BCAS3: variants seen among roughly 807,000 people sequenced by gnomAD.
BCAS3 encodes the protein BCAS4/BCAS3 fusion.
A neutral mutation model predicts 116.1 loss-of-function variants in BCAS3; 53 were observed. The ratio of observed to expected loss-of-function variants is 0.46; its 90% confidence interval spans 0.37 to 0.57. BCAS3 has a LOEUF of 0.57. Ranked by LOEUF, BCAS3 falls within the 20% of genes least tolerant of loss-of-function variation. BCAS3 has a pLI of 0.00. For missense variants in BCAS3, 917 were observed against 1,165.4 expected (o/e 0.79, Z 3.10); for synonymous variants, 391 against 408.2 (o/e 0.96, Z 0.51).
rs1288328825 is a variant in BCAS3, at chr17:61,231,186, G to A, written c.2426-137141G>A. Among the ~76,000 whole-genome samples, 4 of 152,094 alleles carry A rather than the reference G, an allele frequency of 2.6e-5. No homozygotes were observed. The East Asian group carries it at 7.7e-4, about 29-fold the overall frequency. The stretch of plus-strand genomic sequence containing the variant: ...TGATTTGCATTTCTCAGATGAGAGT[G>A]ATGATGAGCATTTTTTCATGTGTTT... On this transcript the variant is annotated intron_variant, in intron 22 of 23. Transcript: ENST00000407086.
chr17:60,747,922 G>C (rs1295306026), intron 6 of BCAS3, among the ~76,000 whole-genome samples: 1 of 151,814 alleles, frequency 6.6e-6, no homozygotes, highest in Middle Eastern at 3.2e-3. Flanking sequence ...TATTAAACTT[G>C]CTGTTTAGAT....
chr17:61,146,044 C>G (rs113938902), intron 22 of BCAS3, among the ~76,000 whole-genome samples: 10 of 152,008 alleles, frequency 6.6e-5, no homozygotes, highest in African/African-American at 2.2e-4. Context: ...GAGGACTCAT[C>G]CCCCTATGCA....
chr17:60,933,361 CT>C (rs1452575300), intron 13 of BCAS3, among the ~76,000 whole-genome samples: 3 of 152,140 alleles, frequency 2.0e-5, no homozygotes, highest in African/African-American at 7.2e-5. Context: ...AATTGATTTG[CT>C]TTTCAGAGGC....
At chr17:60,733,631 C>T (rs887493844) in intron 5 of BCAS3, among the ~76,000 whole-genome samples, 5 of 152,014 alleles carry the variant, frequency 3.3e-5, no homozygotes, top group African/African-American at 9.7e-5. Context: ...TGCTTGAGCC[C>T]GGGAGCTTGA....
Position 60,737,947 on chromosome 17 carries a change from C to T in BCAS3, c.322-9251C>T, listed in dbSNP as rs551903561. ...GATTACAGGCATGTGCCACCACACC[C>T]GGCTACTTTTTGCATTTTTAGTAGA... On this transcript the variant is annotated intron_variant, in intron 5 of 23. Coordinates refer to ENST00000407086, the MANE Select transcript of BCAS3 (RefSeq NM_017679.5). Among the ~76,000 whole-genome samples, 24 of 152,104 alleles carry T rather than the reference C, an allele frequency of 1.6e-4. No individual in the cohort carries two copies. The East Asian group carries it at 3.9e-3, about 25-fold the overall frequency.
At chr17:60,742,961 A>C (rs562672782) in intron 5 of BCAS3, among the ~76,000 whole-genome samples, 65 of 151,666 alleles carry the variant, frequency 4.3e-4, no homozygotes, top group Admixed American at 2.5e-3. Context: ...AAAATACAAA[A>C]AATTAGCCGG....
chr17:60,705,920 A>G (rs1328876840), intron 4 of BCAS3, among the ~76,000 whole-genome samples: 3 of 152,194 alleles, frequency 2.0e-5, no homozygotes, highest in African/African-American at 2.4e-5. Flanking sequence ...GTATATTTCC[A>G]TAAAGTTATA....
In BCAS3 at chr17:61,019,330, C is replaced by A. The variant is rs2065717156; in HGVS notation, c.1637+3429C>A. ...ATCTGAAGTGAAACTTCCATGAAAC[C>A]TATTCCTGGTGCCAAAAAGGTTGGG... is the stretch of plus-strand genomic sequence containing the variant. On this transcript the variant is annotated intron_variant, in intron 16 of 23. Coordinates refer to ENST00000407086, the MANE Select transcript of BCAS3 (RefSeq NM_017679.5). This position sits in a 1 kb window ranked among gnomAD's most constrained non-coding sequence, Gnocchi z 5.6. 6.6e-6 allele frequency among the ~76,000 whole-genome samples: 1 copy of A among 152,150 alleles called. No individual in the cohort carries two copies. The highest frequency in any genetic ancestry group is 1.5e-5 in the Non-Finnish European group (1 of 68,022).
chr17:61,329,422 G>A (rs1016889149), intron 22 of BCAS3, among the ~76,000 whole-genome samples: 3 of 148,206 alleles, frequency 2.0e-5, no homozygotes, highest in African/African-American at 5.0e-5. Flanking sequence ...CTCACTGCAA[G>A]CTCCGCCTCC....
chr17:61,125,367 G>A (rs1315239559), intron 22 of BCAS3, among the ~76,000 whole-genome samples: 2 of 152,106 alleles, frequency 1.3e-5, no homozygotes, highest in South Asian at 2.1e-4. Flanking sequence ...CTTTCTTATA[G>A]TGTGGTCATA....
At position 61,214,194 on chromosome 17, in the gene BCAS3, A is replaced by G. The variant is rs939133297; in HGVS notation, c.2425+129630A>G. 6.6e-6 allele frequency among the ~76,000 whole-genome samples: 1 copy of G among 151,932 alleles called. No individual in the cohort carries two copies. Among genetic ancestry groups the G allele is most frequent in the African/African-American group, 2.4e-5 (1 of 41,358 alleles). On this transcript the variant is annotated intron_variant, in intron 22 of 23. Transcript: ENST00000407086. This position sits in a 1 kb window ranked among gnomAD's most constrained non-coding sequence, Gnocchi z 4.4. ...AGCCTGTCCAACATGGCGAAACCCCATCTCTATTAAAAAATACAAAAATTA... is the reference window on the plus strand; with the variant it reads ...AGCCTGTCCAACATGGCGAAACCCCGTCTCTATTAAAAAATACAAAAATTA...
chr17:61,183,232 T>C (rs977311030), intron 22 of BCAS3, among the ~76,000 whole-genome samples: 1 of 152,128 alleles, frequency 6.6e-6, no homozygotes, highest in Non-Finnish European at 1.5e-5. Flanking sequence ...AAATTTGCCA[T>C]TTTGTTTGTC....
chr17:61,000,688 A>G (rs1439506971), intron 15 of BCAS3, among the ~76,000 whole-genome samples: 3 of 152,158 alleles, frequency 2.0e-5, no homozygotes, highest in African/African-American at 7.2e-5. Flanking sequence ...ATAAATGAGT[A>G]ATTCACTAAA....
chr17:60,685,531 C>T lies in BCAS3; in HGVS notation c.138+1495C>T, dbSNP rs148150286. On this transcript the variant is annotated intron_variant, in intron 3 of 23. Transcript: ENST00000407086. ...TTTCAGCTCTGCATCTTACTAGTTT[C>T]AGACAAGTTACTGAACCTTTCTAAA... Among the ~76,000 whole-genome samples the T allele has an allele frequency of 2.4e-4, 36 of 150,976 alleles. No homozygotes were observed. In the East Asian group the frequency reaches 6.8e-3, roughly 28 times the overall value.
chr17:60,989,933 T>C, intron 14 of BCAS3, 38 bp from the exon 15 acceptor site: 1 of 1,597,238 alleles, frequency 6.3e-7, no homozygotes, highest in Non-Finnish European at 8.6e-7. Flanking sequence ...TCCAAGTAGT[T>C]TGAGACATTT....
At chr17:61,147,179 A>G (rs2143974407) in intron 22 of BCAS3, among the ~76,000 whole-genome samples, 1 of 152,170 alleles carries the variant, frequency 6.6e-6, no homozygotes, top group Non-Finnish European at 1.5e-5. Flanking sequence ...GGTTCAAGCG[A>G]TTCTCGTGCC....
At chr17:61,253,333 A>G (rs1415522491) in intron 22 of BCAS3, among the ~76,000 whole-genome samples, 2 of 151,262 alleles carry the variant, frequency 1.3e-5, no homozygotes, top group African/African-American at 2.4e-5. Context: ...CAGGCGGATC[A>G]CCTGAGGTCA....
At chr17:60,997,967 C>A (rs1774684219) in intron 15 of BCAS3, among the ~76,000 whole-genome samples, 1 of 152,108 alleles carries the variant, frequency 6.6e-6, no homozygotes, top group African/African-American at 2.4e-5. Context: ...ACATAGTACC[C>A]AACTGGTGGT....
At chr17:61,025,875 G>T (rs1468563107) in intron 16 of BCAS3, among the ~76,000 whole-genome samples, 2 of 152,044 alleles carry the variant, frequency 1.3e-5, no homozygotes, top group African/African-American at 4.8e-5. Context: ...TTGCTTTGTG[G>T]TCAAATATAC....
Sources: gnomAD v4.1 joint callset for allele counts (sites outside exome capture counted in the v4.1 genomes callset) on GRCh38, gnomAD v4.1.1 for gene constraint, Gnocchi (gnomAD v3.1) non-coding constraint, MANE v1.5 for transcripts, NCBI Gene and HGNC (gene_info 2026-07-23, HGNC 2026-07-21) for gene names.